The following CSMD1 variants were observed in gnomAD, a reference collection of about 807,000 sequenced individuals.
CSMD1 encodes CUB and sushi domain-containing protein 1.
A neutral mutation model predicts 417.5 loss-of-function variants in CSMD1; 213 were observed. That is an observed-to-expected ratio of 0.51 (90% CI 0.46 to 0.57). The LOEUF is 0.57. CSMD1 is among the 20% of genes least tolerant of loss of function. The pLI, the probability that CSMD1 is intolerant of heterozygous loss-of-function variation, is 0.00. For missense variants in CSMD1, 6,923 were observed against 4,529.7 expected (o/e 1.53, Z -15.17); for synonymous variants, 2,862 against 1,736.8 (o/e 1.65, Z -16.11).
intron 3 of CSMD1, among the ~76,000 whole-genome samples, chr8:4,312,952 G>A (rs974078205): frequency 3.9e-5 from 6 of 152,190 alleles, no homozygotes; most frequent in African/African-American, 1.2e-4. Context: ...CCCAGAGGAA[G>A]AGCCCATAAT....
At chr8:3,593,732 T>C (rs537751218) in intron 8 of CSMD1, among the ~76,000 whole-genome samples, 1 of 152,180 alleles carries the variant, frequency 6.6e-6, no homozygotes, top group Admixed American at 6.5e-5. Flanking sequence ...GACTTATTAA[T>C]TCAACTTCAT....
chr8:3,307,102 T>G (rs1352966165), intron 25 of CSMD1, among the ~76,000 whole-genome samples: 1 of 152,196 alleles, frequency 6.6e-6, no homozygotes, highest in East Asian at 1.9e-4. Flanking sequence ...TTTGCTTCTC[T>G]TCCTATTAAA....
chr8:3,608,167 C>T (rs1299898333), intron 8 of CSMD1, among the ~76,000 whole-genome samples: 1 of 134,302 alleles, frequency 7.4e-6, no homozygotes, highest in East Asian at 2.0e-4. Context: ...GAGCAAGAAG[C>T]CATCTCAAAA....
At chr8:3,944,296 T>A (rs1477050293) in intron 5 of CSMD1, among the ~76,000 whole-genome samples, 1 of 152,130 alleles carries the variant, frequency 6.6e-6, no homozygotes, top group African/African-American at 2.4e-5. Context: ...CCTGTCAGTT[T>A]GAGCCCCGGA....
At chr8:3,186,281 A>G (rs1821754279) in intron 36 of CSMD1, among the ~76,000 whole-genome samples, 1 of 152,160 alleles carries the variant, frequency 6.6e-6, no homozygotes, top group Admixed American at 6.5e-5. Flanking sequence ...AAACTAAACT[A>G]TTGGAAGAGC....
At chr8:3,390,806 G>C (rs1811303913) in intron 17 of CSMD1, among the ~76,000 whole-genome samples, 1 of 152,056 alleles carries the variant, frequency 6.6e-6, no homozygotes, top group African/African-American at 2.4e-5. Context: ...TGAATCAACA[G>C]TCTTTATAAA....
At chr8:3,918,479 G>T (rs1172582461) in intron 5 of CSMD1, among the ~76,000 whole-genome samples, 3 of 152,064 alleles carry the variant, frequency 2.0e-5, no homozygotes, top group African/African-American at 7.2e-5. Flanking sequence ...CCTGTTGGAC[G>T]TTTGTATGTC....
In CSMD1 at chr8:4,992,199, C is replaced by T. The variant is rs1265802510; in HGVS notation, c.85+2133G>A. ...CCAGAATCATCCAGAGCAGCCCCCG[C>T]CCACTACCTGGCCCTCCACACCCTC... On this transcript the variant is annotated intron_variant, in intron 1 of 69. Transcript: ENST00000635120. 2.6e-5 allele frequency among the ~76,000 whole-genome samples: 4 copies of T among 152,150 alleles called. No individual in the cohort carries two copies. In the East Asian group the frequency reaches 7.8e-4, roughly 30 times the overall value.
At chr8:4,292,286 T>A (rs952058743) in intron 3 of CSMD1, among the ~76,000 whole-genome samples, 1 of 152,170 alleles carries the variant, frequency 6.6e-6, no homozygotes, top group African/African-American at 2.4e-5. Context: ...AGAGTCTCGC[T>A]CTGTCGCCCA....
At chr8:3,404,057 G>A (rs1161530) in intron 15 of CSMD1, among the ~76,000 whole-genome samples, 125,739 of 152,120 alleles carry the variant, frequency 0.83, 52,278 homozygotes, top group South Asian at 0.87. Flanking sequence ...CCTCCTTTAC[G>A]TGTAGTATTA....
chr8:4,854,714 A>T (rs111898048), intron 1 of CSMD1, among the ~76,000 whole-genome samples: 1 of 152,036 alleles, frequency 6.6e-6, no homozygotes, highest in Non-Finnish European at 1.5e-5. Context: ...ACGGGCTTAA[A>T]AAACGGTGCA....
chr8:4,834,678 C>G lies in CSMD1; in HGVS notation c.85+159654G>C, dbSNP rs144725800. Among the ~76,000 whole-genome samples, 4 of 151,946 alleles carry G rather than the reference C, an allele frequency of 2.6e-5. No individual in the cohort carries two copies. In the East Asian group the frequency reaches 7.8e-4, roughly 30 times the overall value. ...ATGAATTAAAAGGAAAAAAAAAGGC[C>G]AGGTGCGGTGGCTCACTCCTGTAAT... On this transcript the variant is annotated intron_variant, in intron 1 of 69. Transcript: ENST00000635120.
chr8:3,588,658 C>T, intron 8 of CSMD1, among the ~76,000 whole-genome samples: 1 of 152,094 alleles, frequency 6.6e-6, no homozygotes, highest in African/African-American at 2.4e-5. Flanking sequence ...AAATTGTATT[C>T]TGTTTTGAGA....
rs576428034 is a variant in CSMD1 at position 4,395,276 on chromosome 8, A to C, written c.415+24677T>G. ...TCTTCTCTCTTACTCCAGAACTACC[A>C]CAAAGAAGGGCTTTTGCTAATTCTT... On this transcript the variant is annotated intron_variant, in intron 3 of 69. Transcript: ENST00000635120. 2.0e-3 allele frequency among the ~76,000 whole-genome samples: 308 copies of C among 152,264 alleles called. 4 individuals carry two copies. Among genetic ancestry groups the C allele is most frequent in the African/African-American group, 7.1e-3 (295 of 41,560 alleles).
chr8:4,492,488 A>C (rs546213484), intron 2 of CSMD1, among the ~76,000 whole-genome samples: 1 of 152,320 alleles, frequency 6.6e-6, no homozygotes, highest in Non-Finnish European at 1.5e-5. Context: ...CAGTATATAT[A>C]AAGTTGATTT....
intron 1 of CSMD1, among the ~76,000 whole-genome samples, chr8:4,945,892 T>A (rs755979961): frequency 6.6e-6 from 1 of 152,140 alleles, no homozygotes. Flanking sequence ...AACTCCTGAA[T>A]AATAGCATTC....
chr8:3,953,170 T>G (rs1481093872), intron 5 of CSMD1, among the ~76,000 whole-genome samples: 21 of 151,914 alleles, frequency 1.4e-4, no homozygotes, highest in Non-Finnish European at 2.9e-4. Context: ...TCAAACTGGA[T>G]TAGAGATTTT....
Position 3,926,098 on chromosome 8 carries a change from C to CCAT in CSMD1, c.818+71804_818+71805insATG, listed in dbSNP as rs1809684031. ...CAAACACCATACACACACACACACA[C>CCAT]ACACACACACACACACACACACACA... On this transcript the variant is annotated intron_variant, in intron 5 of 69. Coordinates refer to ENST00000635120, the MANE Select transcript of CSMD1 (RefSeq NM_033225.6). Among the ~76,000 whole-genome samples, 3 of 81,936 alleles carry CCAT rather than the reference C, an allele frequency of 3.7e-5. No individual in the cohort carries two copies. In the South Asian group the frequency reaches 1.1e-3, roughly 31 times the overall value. 53.8% of individuals were successfully genotyped at this position (81,936 alleles called of 152,430 possible). A position where few individuals can be genotyped will look rare whatever the true frequency, so the allele number is the denominator to read the frequency against.
rs190662955 is a variant in CSMD1, at chr8:4,211,469, T to C, written c.416-179370A>G. 5.9e-5 allele frequency among the ~76,000 whole-genome samples: 9 copies of C among 152,356 alleles called. No homozygotes were observed. The East Asian group carries it at 1.5e-3, about 26-fold the overall frequency. On this transcript the variant is annotated intron_variant, in intron 3 of 69. Coordinates refer to ENST00000635120, the MANE Select transcript of CSMD1 (RefSeq NM_033225.6). Reference sequence around the variant, plus strand: ...TTACGCATGACAAATGAGAAGATTTTAGCTCATTTTGAAAATTTCACTGGG... The same window carrying C: ...TTACGCATGACAAATGAGAAGATTTCAGCTCATTTTGAAAATTTCACTGGG...
Sources: allele counts gnomAD v4.1 joint callset (sites outside exome capture counted in the v4.1 genomes callset), GRCh38; gene constraint gnomAD v4.1.1; transcripts MANE v1.5; gene names NCBI Gene and HGNC (gene_info 2026-07-23, HGNC 2026-07-21).